Variants in PTPRG observed in about 807,000 individuals in gnomAD.
PTPRG encodes protein tyrosine phosphatase receptor type G.
Under a neutral mutation model 165.3 loss-of-function variants are expected in PTPRG, and 102 were observed. The ratio of observed to expected loss-of-function variants is 0.62; its 90% confidence interval spans 0.53 to 0.73. The LOEUF (loss-of-function observed/expected upper bound fraction) is 0.73. Among genes scored for constraint, PTPRG ranks in the 30% least tolerant of loss-of-function variants. The pLI is 0.00. For synonymous variants in PTPRG, 675 were observed against 669.5 expected (o/e 1.01, Z -0.13); for missense variants, 1,866 against 1,861.4 (o/e 1.00, Z -0.05).
intron 8 of PTPRG, among the ~76,000 whole-genome samples, chr3:62,181,078 T>C (rs995222411): frequency 1.3e-5 from 2 of 152,164 alleles, no homozygotes; most frequent in African/African-American, 2.4e-5. Context: ...GGCTTGTTCA[T>C]GGAAAGGGAG....
intron 4 of PTPRG, among the ~76,000 whole-genome samples, chr3:62,032,548 T>A (rs959690459): frequency 2.6e-5 from 4 of 151,438 alleles, no homozygotes; most frequent in Admixed American, 6.6e-5. Context: ...TTTTTTTTTT[T>A]AGAAAAGTAT....
chr3:62,231,388 TG>T, intron 14 of PTPRG, 77 bp downstream of exon 14: 1 of 1,265,392 alleles, frequency 7.9e-7, no homozygotes, highest in Non-Finnish European at 1.1e-6. Context: ...TTTGTTGCCA[TG>T]GGGATTGAAG....
At chr3:61,856,883 G>T (rs2037121365) in intron 2 of PTPRG, among the ~76,000 whole-genome samples, 1 of 152,118 alleles carries the variant, frequency 6.6e-6, no homozygotes, top group Non-Finnish European at 1.5e-5. Context: ...AACCTCAGAG[G>T]GTAAACCATT....
At chr3:61,709,272 A>G (rs768691639) in intron 1 of PTPRG, among the ~76,000 whole-genome samples, 21 of 152,006 alleles carry the variant, frequency 1.4e-4, no homozygotes, top group Non-Finnish European at 2.9e-4. Context: ...TTGGCTTTGA[A>G]TGGTTTTCAT....
At chr3:61,965,232 G>T (rs568967895) in intron 2 of PTPRG, among the ~76,000 whole-genome samples, 29 of 127,226 alleles carry the variant, frequency 2.3e-4, no homozygotes, top group Middle Eastern at 4.3e-3. Context: ...CAACAAGAGC[G>T]AAACTCTGTC....
chr3:61,933,207 C>T (rs952392273), intron 2 of PTPRG, among the ~76,000 whole-genome samples: 6 of 152,138 alleles, frequency 3.9e-5, no homozygotes, highest in African/African-American at 1.4e-4. Context: ...TTTTCAACTT[C>T]AGGTTAAAAA....
At chr3:61,852,698 G>C (rs1391540689) in intron 2 of PTPRG, among the ~76,000 whole-genome samples, 1 of 152,158 alleles carries the variant, frequency 6.6e-6, no homozygotes. Flanking sequence ...TGTGGTCTTT[G>C]TATTATGGTG....
intron 2 of PTPRG, among the ~76,000 whole-genome samples, chr3:61,857,451 G>A (rs753496280): frequency 6.6e-6 from 1 of 152,168 alleles, no homozygotes; most frequent in Non-Finnish European, 1.5e-5. Flanking sequence ...TGAATGGGAT[G>A]GGTCAGGGAG....
intron 1 of PTPRG, among the ~76,000 whole-genome samples, chr3:61,748,152 T>G (rs1286008772): frequency 6.6e-6 from 1 of 152,200 alleles, no homozygotes; most frequent in Non-Finnish European, 1.5e-5. Context: ...CCTTGGAGGC[T>G]TTCTTGTTTC....
At chr3:61,571,919 G>T (rs1255865673) in intron 1 of PTPRG, among the ~76,000 whole-genome samples, 1 of 152,204 alleles carries the variant, frequency 6.6e-6, no homozygotes, top group Non-Finnish European at 1.5e-5. Flanking sequence ...TCTTGGGCAA[G>T]ACCCTCAATT....
intron 6 of PTPRG, among the ~76,000 whole-genome samples, chr3:62,149,009 A>G (rs962094609): frequency 6.6e-6 from 1 of 151,870 alleles, no homozygotes; most frequent in African/African-American, 2.4e-5. Context: ...TGTCTTTGAG[A>G]CCTCGATTTC....
intron 2 of PTPRG, among the ~76,000 whole-genome samples, chr3:61,798,773 C>T (rs182281248): frequency 3.3e-5 from 5 of 152,096 alleles, no homozygotes; most frequent in Admixed American, 2.6e-4. Context: ...ACTCAAGAGT[C>T]GGAGACAAGG....
intron 1 of PTPRG, among the ~76,000 whole-genome samples, chr3:61,590,731 AT>A (rs1700549443): frequency 6.6e-6 from 1 of 152,002 alleles, no homozygotes; most frequent in South Asian, 2.1e-4. Flanking sequence ...TGTTTTTTTC[AT>A]TTGGTAATAG....
intron 1 of PTPRG, among the ~76,000 whole-genome samples, chr3:61,594,365 C>T (rs550911594): frequency 6.6e-6 from 1 of 151,948 alleles, no homozygotes; most frequent in Non-Finnish European, 1.5e-5. Flanking sequence ...TCTGAGTGGA[C>T]CAAGTGTGAA....
chr3:61,719,999 G>A (rs2031980873), intron 1 of PTPRG, among the ~76,000 whole-genome samples: 1 of 152,024 alleles, frequency 6.6e-6, no homozygotes, highest in Admixed American at 6.6e-5. Context: ...CTTGTCCTAT[G>A]TCCTCTCCCT....
intron 2 of PTPRG, among the ~76,000 whole-genome samples, chr3:61,906,481 A>G (rs1003129384): frequency 6.6e-6 from 1 of 151,836 alleles, no homozygotes; most frequent in African/African-American, 2.4e-5. Flanking sequence ...AAAAACATAT[A>G]TATATGGACT....
intron 4 of PTPRG, among the ~76,000 whole-genome samples, chr3:62,022,400 G>A (rs866139198): frequency 6.6e-6 from 1 of 152,112 alleles, no homozygotes; most frequent in African/African-American, 2.4e-5. Context: ...GTATCTATGG[G>A]CATTTTGTTT....
At chr3:62,028,531 C>T (rs1699649980) in intron 4 of PTPRG, among the ~76,000 whole-genome samples, 1 of 152,112 alleles carries the variant, frequency 6.6e-6, no homozygotes, top group Non-Finnish European at 1.5e-5. Flanking sequence ...ATCCACAAAC[C>T]TTTCCATTCA....
At chr3:62,179,281 C>T (rs1044705057) in intron 8 of PTPRG, among the ~76,000 whole-genome samples, 1 of 152,158 alleles carries the variant, frequency 6.6e-6, no homozygotes, top group Non-Finnish European at 1.5e-5. Flanking sequence ...TCAGCACAGC[C>T]AGTGGTTGTT....
Sources: gnomAD v4.1 joint callset for allele counts (sites outside exome capture counted in the v4.1 genomes callset) on GRCh38, gnomAD v4.1.1 for gene constraint, MANE v1.5 for transcripts, NCBI Gene and HGNC (gene_info 2026-07-23, HGNC 2026-07-21) for gene names.